The following ABCA1 variants were observed in gnomAD, a reference collection of about 807,000 sequenced individuals.
ABCA1 encodes the protein ATP binding cassette subfamily A member 1, also known as phospholipid-transporting ATPase ABCA1.
ABCA1 carries 133 observed loss-of-function variants against 262.5 expected under a neutral mutation model. The observed-to-expected ratio is 0.51, with a 90% confidence interval of 0.44 to 0.59. The LOEUF is 0.59. Among genes scored for constraint, ABCA1 ranks in the 20% least tolerant of loss-of-function variants. The probability of loss-of-function intolerance (pLI) is 0.00; values close to 1 mark genes in which losing one functional copy is unlikely to be tolerated. For synonymous variants in ABCA1, 1,022 were observed against 1,043.5 expected (o/e 0.98, Z 0.40); for missense variants, 2,452 against 2,777.5 (o/e 0.88, Z 2.63).
intron 6 of ABCA1, among the ~76,000 whole-genome samples, chr9:104,861,048 A>C (rs1429580521): frequency 6.6e-6 from 1 of 152,082 alleles, no homozygotes; most frequent in Admixed American, 6.6e-5. Context: ...GGGATTACAG[A>C]CCTTTGAAGT....
chr9:104,873,448 G>T (rs1755699747), intron 5 of ABCA1, among the ~76,000 whole-genome samples: 1 of 152,302 alleles, frequency 6.6e-6, no homozygotes, highest in South Asian at 2.1e-4. Flanking sequence ...GCCAGGAAGT[G>T]GAGTGAATCT....
At chr9:104,790,857 C>CTATTTCTTT in intron 44 of ABCA1, 65 bp downstream of exon 44, 2 of 1,133,004 alleles carry the variant, frequency 1.8e-6, no homozygotes, top group Non-Finnish European at 2.7e-6. Context: ...AAATAACAAC[C>CTATTTCTTT]TATTTCTTTA....
chr9:104,800,727 T>C (rs978363858), intron 34 of ABCA1, 143 bp from the exon 35 acceptor site: 2 of 764,530 alleles, frequency 2.6e-6, no homozygotes, highest in African/African-American at 3.5e-5. Flanking sequence ...GTGAAGCCAT[T>C]AAATAAACGG....
chr9:104,809,603 TAAAACC>T, intron 29 of ABCA1, 39 bp from the exon 30 acceptor site: 1 of 1,518,908 alleles, frequency 6.6e-7, no homozygotes, highest in Admixed American at 1.7e-5. Flanking sequence ...AGTAATTCAT[TAAAACC>T]AGTAATCGAG....
chr9:104,788,278 C>T (rs1278912555), intron 45 of ABCA1, 148 bp downstream of exon 45: 2 of 1,209,260 alleles, frequency 1.7e-6, no homozygotes, highest in Middle Eastern at 2.3e-4. Flanking sequence ...CAGGTTTCCA[C>T]CCTGAAAGCA....
At chr9:104,869,159 C>G (rs1414901667) in intron 5 of ABCA1, among the ~76,000 whole-genome samples, 1 of 152,052 alleles carries the variant, frequency 6.6e-6, no homozygotes, top group Non-Finnish European at 1.5e-5. Context: ...GCTCAGGTTT[C>G]AAGATCTGTC....
intron 16 of ABCA1, 39 bp downstream of exon 16, chr9:104,826,909 A>G: frequency 6.3e-7 from 1 of 1,585,306 alleles, no homozygotes; most frequent in Non-Finnish European, 8.7e-7. Context: ...AGGAAGGTCA[A>G]ATGCCTACAG....
chr9:104,919,899 T>C (rs1428361915), intron 1 of ABCA1, among the ~76,000 whole-genome samples: 1 of 152,236 alleles, frequency 6.6e-6, no homozygotes, highest in Non-Finnish European at 1.5e-5. Flanking sequence ...GTCATCGATC[T>C]GATCAGGAAT....
intron 37 of ABCA1, among the ~76,000 whole-genome samples, chr9:104,798,053 T>C (rs1830047638): frequency 6.6e-6 from 1 of 152,208 alleles, no homozygotes; most frequent in African/African-American, 2.4e-5. Context: ...ATGGCTTTCC[T>C]AGTAAGGCAA....
At position 104,830,140 on chromosome 9, in the gene ABCA1, G is replaced by C. The variant is rs971714326; in HGVS notation, c.1892+785C>G. 8.5e-5 allele frequency among the ~76,000 whole-genome samples: 13 copies of C among 152,318 alleles called. 1 individual carries two copies. Among genetic ancestry groups the C allele is most frequent in the Admixed American group, 7.8e-4 (12 of 15,304 alleles). ...TAGTTCCCACAATGAGAACTTGGCAGCTTAGTGACTCAGCACTGAAAGATT... is the reference window on the plus strand; with the variant it reads ...TAGTTCCCACAATGAGAACTTGGCACCTTAGTGACTCAGCACTGAAAGATT... On this transcript the variant is annotated intron_variant, in intron 14 of 49. Coordinates refer to ENST00000374736, the MANE Select transcript of ABCA1 (RefSeq NM_005502.4).
chr9:104,800,727 T>A, intron 34 of ABCA1, 143 bp from the exon 35 acceptor site: 1 of 764,648 alleles, frequency 1.3e-6, no homozygotes, highest in Non-Finnish European at 2.3e-6. Flanking sequence ...GTGAAGCCAT[T>A]AAATAAACGG....
At chr9:104,888,562 C>T (rs10115928) in intron 3 of ABCA1, among the ~76,000 whole-genome samples, 71,427 of 152,078 alleles carry the variant, frequency 0.47, 18,968 homozygotes, top group African/African-American at 0.73. Flanking sequence ...CATCTGGAGC[C>T]TGTGTTGTTA....
intron 1 of ABCA1, among the ~76,000 whole-genome samples, chr9:104,912,288 C>T (rs1464570054): frequency 6.6e-6 from 1 of 152,124 alleles, no homozygotes; most frequent in Non-Finnish European, 1.5e-5. Flanking sequence ...AATCCTAACA[C>T]CTTGGGAGGC....
chr9:104,877,579 G>T (rs1327814888), intron 5 of ABCA1, among the ~76,000 whole-genome samples: 1 of 152,266 alleles, frequency 6.6e-6, no homozygotes, highest in African/African-American at 2.4e-5. Context: ...CGAACAAGTG[G>T]CAAAGGCCAA....
chr9:104,805,838 C>T (rs1243230352), intron 31 of ABCA1, among the ~76,000 whole-genome samples: 1 of 152,234 alleles, frequency 6.6e-6, no homozygotes, highest in Admixed American at 6.5e-5. Flanking sequence ...GGCGTAGTGG[C>T]TCACGCCTGT....
intron 2 of ABCA1, among the ~76,000 whole-genome samples, chr9:104,897,830 T>C (rs1342632570): frequency 6.6e-6 from 1 of 152,202 alleles, no homozygotes; most frequent in Non-Finnish European, 1.5e-5. Flanking sequence ...CTCAAATTCC[T>C]GGCCTCAAGT....
chr9:104,916,307 C>T (rs997194651), intron 1 of ABCA1, among the ~76,000 whole-genome samples: 1 of 152,146 alleles, frequency 6.6e-6, no homozygotes, highest in Non-Finnish European at 1.5e-5. Context: ...TTTAGGAAAC[C>T]CTCAACATTC....
At position 104,788,459 on chromosome 9, in the gene ABCA1, A is replaced by G; in HGVS notation, c.6036T>C (p.Leu2012=). 6.2e-7 allele frequency: 1 copy of G among 1,614,186 alleles called. No individual in the cohort carries two copies. The highest frequency in any genetic ancestry group is 8.5e-7 in the Non-Finnish European group (1 of 1,180,022). ...CTTCTTTCTCTGGGACTCCTCTCAA[A>G]AGGGCAAAGAACTCCACGTGTTCTC... The part of the protein sequence containing the change: ...TGREHVEFFA[L]LRGVPEKEVG... The change falls in exon 45 of 50, where the codon CTT becomes CTC. Residue 2012 remains leucine (L), a synonymous_variant. Coordinates refer to ENST00000374736, the MANE Select transcript of ABCA1 (RefSeq NM_005502.4).
At position 104,782,102 on chromosome 9, in the gene ABCA1, A is replaced by G. The variant is rs115059464; in HGVS notation, c.*2213T>C. ...GTAAGGAGTTGCTCATAGATTTACTATAATGAAGAATTAGAATACGATTTT... is the reference window on the plus strand; with the variant it reads ...GTAAGGAGTTGCTCATAGATTTACTGTAATGAAGAATTAGAATACGATTTT... On this transcript the variant is annotated 3_prime_UTR_variant, in exon 50 of 50. Coordinates refer to ENST00000374736, the MANE Select transcript of ABCA1 (RefSeq NM_005502.4). 2.0e-3 allele frequency: 311 copies of G among 152,278 alleles called. 2 individuals carry two copies. The highest frequency in any genetic ancestry group is 7.3e-3 in the African/African-American group (303 of 41,582). 9.4% of individuals were successfully genotyped at this position (152,278 alleles called of 1,614,324 possible).
Sources: allele counts gnomAD v4.1 joint callset (sites outside exome capture counted in the v4.1 genomes callset), GRCh38; gene constraint gnomAD v4.1.1; transcripts MANE v1.5; gene names NCBI Gene and HGNC (gene_info 2026-07-23, HGNC 2026-07-21).